The following BIN2 variants were observed in gnomAD, a reference collection of about 807,000 sequenced individuals.
BIN2 encodes the protein breast cancer associated protein BRAP1.
In BIN2, 43 loss-of-function variants were observed where a neutral mutation model predicts 67.9. The ratio of observed to expected loss-of-function variants is 0.63; its 90% CI spans 0.50 to 0.82. BIN2 has a LOEUF of 0.82. BIN2 is among the 40% of genes least tolerant of loss of function. The pLI, the probability that BIN2 is intolerant of heterozygous loss-of-function variation, is 0.00. For synonymous variants in BIN2, 244 were observed against 246.8 expected, an observed-to-expected ratio of 0.99 and a Z score of 0.11; for missense variants, 581 against 671.6, an observed-to-expected ratio of 0.87 and a Z score of 1.49.
At chr12:51,288,072 G>C in intron 11 of BIN2, 36 bp downstream of exon 11, 2 of 1,403,252 alleles carry the variant, frequency 1.4e-6, no homozygotes, top group Non-Finnish European at 2.0e-6. Context: ...CAAAAAAATA[G>C]GGCATCATCA....
chr12:51,302,379 GT>G, intron 4 of BIN2: 2 of 530,044 alleles, frequency 3.8e-6, no homozygotes, highest in South Asian at 2.2e-5. Flanking sequence ...AGATGGGAAA[GT>G]TTAAGAGTGT....
At chr12:51,320,271 C>T (rs1319054996) in intron 1 of BIN2, among the ~76,000 whole-genome samples, 4 of 152,216 alleles carry the variant, frequency 2.6e-5, no homozygotes, top group Non-Finnish European at 4.4e-5. Context: ...CTACCCACCT[C>T]GCCCTCCCAA....
chr12:51,291,927 G>A lies in BIN2; in HGVS notation c.1179C>T (p.Thr393=), dbSNP rs201888825. The A allele has an allele frequency of 6.2e-6, 10 of 1,614,164 alleles. No individual in the cohort carries two copies. The highest frequency in any genetic ancestry group is 4.5e-5 in the East Asian group (2 of 44,880). ...TTGGTTGTTCAGATCCTTCACTTGC[G>A]GTGCGGGTTCGGAGGACTACTTCTG... The part of the protein sequence containing the change: ...SATEVVLRTR[T]ASEGSEQPKK... Residue 393 remains threonine (T), a synonymous_variant, in exon 10 of 13, where the codon ACC becomes ACT. Coordinates refer to ENST00000615107, the MANE Select transcript of BIN2 (RefSeq NM_016293.4).
intron 10 of BIN2, 143 bp downstream of exon 10, chr12:51,291,448 G>A (rs1402249279): frequency 1.3e-6 from 1 of 783,534 alleles, no homozygotes; most frequent in East Asian, 2.8e-5. Flanking sequence ...ATCTCTGTTG[G>A]CAGAGGATCA....
In BIN2 at chr12:51,299,665, C is replaced by T. The variant is rs139065319; in HGVS notation, c.458G>A (p.Arg153Gln). 9.9e-6 allele frequency: 16 copies of T among 1,613,906 alleles called. No individual in the cohort carries two copies. Among genetic ancestry groups the T allele is most frequent in the Middle Eastern group, 1.6e-4 (1 of 6,084 alleles). ...ATTCTGCACTGCCTCCAGGTGGTGT[C>T]GGGCACTGTCATAGTCCACGAGTTT... ...GRKLVDYDSA[R>Q]HHLEAVQNAK... is the part of the protein sequence containing the mutation. The change falls in exon 6 of 13, where the codon CGA becomes CAA. Residue 153 changes from arginine (R) to glutamine (Q), a missense_variant. Physicochemically the swap from Arg to Gln is conservative, Grantham distance 43. Transcript: ENST00000615107.
intron 2 of BIN2, among the ~76,000 whole-genome samples, chr12:51,305,557 G>A (rs916503990): frequency 6.6e-6 from 1 of 150,950 alleles, no homozygotes; most frequent in African/African-American, 2.4e-5. Flanking sequence ...CCAGGAGGCA[G>A]AGGTTGCAGT....
chr12:51,302,993 AC>A (rs1945770016), intron 3 of BIN2, 93 bp downstream of exon 3: 1 of 1,430,940 alleles, frequency 7.0e-7, no homozygotes. Flanking sequence ...TGATAAAATG[AC>A]AAAAACCTGG....
rs760887258 is a variant in BIN2 at position 51,295,920 on chromosome 12, ACCCGAGAGTGGCATAT to A, written c.679-58_679-43del. 7 of 1,535,316 alleles carry A rather than the reference ACCCGAGAGTGGCATAT, an allele frequency of 4.6e-6. No individual in the cohort carries two copies. The Admixed American group carries it at 1.2e-4, about 26-fold the overall frequency. ...AGAAGGGGATGCTAGCCAACTGGGA[ACCCGAGAGTGGCATAT>A]CCCTTCTCCCCTCCCCTTCAGACAG... On this transcript the variant is annotated intron_variant, in intron 8 of 12. Transcript: ENST00000615107.
In BIN2 at chr12:51,284,803, T is replaced by G; in HGVS notation, c.1597-16A>C. The G allele has an allele frequency of 6.2e-7, 1 of 1,604,492 alleles. No homozygotes were observed. Among genetic ancestry groups the G allele is most frequent in the Non-Finnish European group, 8.5e-7 (1 of 1,171,462 alleles). Reference sequence around the variant, plus strand: ...GGTCTTGGCCCTACAAAGAGAAGAGTTCTGCCAGTAAGAGGTGGCTCAACC... The same window carrying G: ...GGTCTTGGCCCTACAAAGAGAAGAGGTCTGCCAGTAAGAGGTGGCTCAACC... On this transcript the variant is annotated splice_polypyrimidine_tract_variant and intron_variant, in intron 11 of 12. Transcript: ENST00000615107.
intron 8 of BIN2, among the ~76,000 whole-genome samples, chr12:51,296,358 G>T (rs1050776570): frequency 3.9e-5 from 6 of 151,984 alleles, no homozygotes; most frequent in South Asian, 4.1e-4. Context: ...TTAGCTGGGC[G>T]TGGTGGTGGG....
intron 1 of BIN2, among the ~76,000 whole-genome samples, chr12:51,315,785 C>A (rs1164056881): frequency 1.3e-5 from 2 of 152,120 alleles, no homozygotes; most frequent in Non-Finnish European, 2.9e-5. Flanking sequence ...AACTAGAAAA[C>A]CTGAGAGCCA....
chr12:51,293,815 A>G (rs1445637370), intron 9 of BIN2, among the ~76,000 whole-genome samples: 3 of 152,218 alleles, frequency 2.0e-5, no homozygotes, highest in Admixed American at 6.5e-5. Context: ...GTAAGAATGA[A>G]TAAGTCTGAC....
chr12:51,311,236 A>G (rs1334485921), intron 2 of BIN2, among the ~76,000 whole-genome samples: 1 of 151,522 alleles, frequency 6.6e-6, no homozygotes, highest in Admixed American at 6.6e-5. Context: ...TATTTTTTGT[A>G]GAGTTAAGGT....
At chr12:51,324,196 C>A (rs1946372325), upstream of BIN2, 1 of 1,528,782 alleles carries the variant, frequency 6.5e-7, no homozygotes, top group Non-Finnish European at 8.7e-7. Context: ...GCATGCCTCG[C>A]ATCCGGCCCC....
chr12:51,316,370 C>T (rs1269232720), intron 1 of BIN2, among the ~76,000 whole-genome samples: 1 of 150,866 alleles, frequency 6.6e-6, no homozygotes, highest in African/African-American at 2.4e-5. Flanking sequence ...GTGGCAGACG[C>T]ATGTAATCCC....
upstream of BIN2, chr12:51,324,640 C>T: frequency 1.8e-6 from 2 of 1,102,844 alleles, no homozygotes. Flanking sequence ...AGGCAGGACA[C>T]CCGAGCCGGG....
intron 1 of BIN2, among the ~76,000 whole-genome samples, chr12:51,319,435 A>G (rs2137447741): frequency 6.6e-6 from 1 of 152,358 alleles, no homozygotes; most frequent in East Asian, 1.9e-4. Context: ...GTTCTTCCCA[A>G]CGAAAGACCC....
At chr12:51,289,656 G>T (rs951225502) in intron 10 of BIN2, among the ~76,000 whole-genome samples, 1 of 151,988 alleles carries the variant, frequency 6.6e-6, no homozygotes, top group Non-Finnish European at 1.5e-5. Flanking sequence ...TTGATTTACA[G>T]ATCCTTCACA....
intron 2 of BIN2, among the ~76,000 whole-genome samples, chr12:51,312,649 G>A (rs1209628413): frequency 1.3e-5 from 2 of 152,140 alleles, no homozygotes; most frequent in Non-Finnish European, 2.9e-5. Flanking sequence ...AATTATGGAA[G>A]CTGAGTGATG....
Sources: gnomAD v4.1 joint callset for allele counts (sites outside exome capture counted in the v4.1 genomes callset) on GRCh38, gnomAD v4.1.1 for gene constraint, MANE v1.5 for transcripts, NCBI Gene and HGNC (gene_info 2026-07-23, HGNC 2026-07-21) for gene names.